The following KDM5A variants were observed in gnomAD, a reference collection of about 807,000 sequenced individuals.
KDM5A encodes lysine demethylase 5A.
Under a neutral mutation model 193.5 loss-of-function variants are expected in KDM5A, and 42 were observed. The ratio of observed to expected loss-of-function variants is 0.22; its 90% CI spans 0.17 to 0.28. The LOEUF is 0.28. KDM5A is among the 10% of genes least tolerant of loss of function. The pLI, the probability that KDM5A is intolerant of heterozygous loss-of-function variation, is 1.00. For synonymous variants in KDM5A, 796 were observed against 718.1 expected, an observed-to-expected ratio of 1.11 and a Z score of -1.73; for missense variants, 1,692 against 2,055.1, an observed-to-expected ratio of 0.82 and a Z score of 3.42.
At chr12:293,749 A>T (rs1008450558) in intron 26 of KDM5A, among the ~76,000 whole-genome samples, 1 of 128,372 alleles carries the variant, frequency 7.8e-6, no homozygotes, top group African/African-American at 3.0e-5. Flanking sequence ...ACTGCACTCC[A>T]GCCTGAGCAA....
intron 1 of KDM5A, among the ~76,000 whole-genome samples, chr12:388,699 C>A (rs1476396741): frequency 6.6e-6 from 1 of 152,166 alleles, no homozygotes; most frequent in South Asian, 2.1e-4. Flanking sequence ...AGTATCAGTT[C>A]CCAAGTTCTA....
intron 1 of KDM5A, among the ~76,000 whole-genome samples, chr12:387,911 T>G (rs1170507799): frequency 6.6e-6 from 1 of 152,156 alleles, no homozygotes; most frequent in Non-Finnish European, 1.5e-5. Context: ...GCTTAATATT[T>G]TATCATTACT....
chr12:358,787 T>C (rs1267797679), intron 5 of KDM5A, among the ~76,000 whole-genome samples: 3 of 151,582 alleles, frequency 2.0e-5, no homozygotes, highest in Non-Finnish European at 4.4e-5. Context: ...GCCTGGACAA[T>C]ATGGTGAAAC....
chr12:319,735 CAG>C (rs1188505867), intron 18 of KDM5A, among the ~76,000 whole-genome samples: 1 of 151,736 alleles, frequency 6.6e-6, no homozygotes, highest in East Asian at 1.9e-4. Context: ...GCCTGGATGA[CAG>C]AGCCAGACGC....
At chr12:323,324 C>T (rs1565533811) in intron 15 of KDM5A, 118 bp from the exon 16 acceptor site, 3 of 1,224,574 alleles carry the variant, frequency 2.4e-6, no homozygotes, top group African/African-American at 3.1e-5. Flanking sequence ...AATACAATGG[C>T]CAAGGGAATG....
At chr12:323,055 T>C in intron 16 of KDM5A, 27 bp downstream of exon 16, 1 of 1,612,804 alleles carries the variant, frequency 6.2e-7, no homozygotes, top group East Asian at 2.2e-5. Context: ...CAATTCAGTA[T>C]ATGCATACAA....
intron 24 of KDM5A, among the ~76,000 whole-genome samples, chr12:306,259 GCCA>G (rs1399691360): frequency 6.6e-6 from 1 of 151,866 alleles, no homozygotes; most frequent in East Asian, 1.9e-4. Context: ...ACAGGCATGA[GCCA>G]CCACACCAAG....
rs1943180018 is a variant in KDM5A at position 283,488 on chromosome 12, A to G, written c.*1968T>C. 1 of 233,004 alleles carries G rather than the reference A, an allele frequency of 4.3e-6. No homozygotes were observed. The highest frequency in any genetic ancestry group is 5.6e-5 in the Admixed American group (1 of 17,770). 14.4% of individuals were successfully genotyped at this position (233,004 alleles called of 1,614,324 possible). A position where few individuals can be genotyped will look rare whatever the true frequency, so the allele number is the denominator to read the frequency against. ...TATACAGTATTAAGAATGAATAAAA[A>G]GTAGGTAGTATGAACTTCAGAGAAA... is the stretch of plus-strand genomic sequence containing the variant. On this transcript the variant is annotated 3_prime_UTR_variant, in exon 28 of 28. Transcript: ENST00000399788.
At position 284,322 on chromosome 12, in the gene KDM5A, C is replaced by G; in HGVS notation, c.*1134G>C. Reference sequence around the variant, plus strand: ...CATTTAGAAAAAAGTAAAAACAAGTCCTTTTTTTTTTTTAAAAATGGATTT... The same window carrying G: ...CATTTAGAAAAAAGTAAAAACAAGTGCTTTTTTTTTTTTAAAAATGGATTT... On this transcript the variant is annotated 3_prime_UTR_variant, in exon 28 of 28. Coordinates refer to ENST00000399788, the MANE Select transcript of KDM5A (RefSeq NM_001042603.3). 8.7e-6 allele frequency: 2 copies of G among 230,328 alleles called. No individual in the cohort carries two copies. Among genetic ancestry groups the G allele is most frequent in the East Asian group, 1.2e-4 (2 of 16,172 alleles). The allele number at this position is 230,328 out of a possible 1,614,324, so 14.3% of individuals were successfully genotyped here.
rs192299960 is a variant in KDM5A, at chr12:290,124, G to C, written c.4866+2635C>G. ...GGATGGGCCACTGCAGCTGGCAAAG[G>C]CATTCTTTTCTTATTTTGCTCTAAA... On this transcript the variant is annotated intron_variant, in intron 27 of 27. Coordinates refer to ENST00000399788, the MANE Select transcript of KDM5A (RefSeq NM_001042603.3). Among the ~76,000 whole-genome samples, 299 of 151,938 alleles carry C rather than the reference G, an allele frequency of 2.0e-3. 3 individuals carry two copies. Among genetic ancestry groups the C allele is most frequent in the Non-Finnish European group, 1.5e-3 (101 of 67,958 alleles).
At chr12:324,241 A>T (rs1489677959) in intron 14 of KDM5A, among the ~76,000 whole-genome samples, 1 of 151,896 alleles carries the variant, frequency 6.6e-6, no homozygotes. Flanking sequence ...AGGCTGTAGT[A>T]AGCTATGATA....
intron 24 of KDM5A, among the ~76,000 whole-genome samples, chr12:299,815 G>A (rs1008523447): frequency 2.3e-4 from 35 of 151,822 alleles, no homozygotes; most frequent in African/African-American, 7.0e-4. Flanking sequence ...TCACAAAGAC[G>A]CACATAGGCT....
At chr12:293,391 C>T (rs1041707600) in intron 26 of KDM5A, among the ~76,000 whole-genome samples, 1 of 152,018 alleles carries the variant, frequency 6.6e-6, no homozygotes, top group Non-Finnish European at 1.5e-5. Context: ...GTGACAGTTG[C>T]GTAACACTGT....
intron 27 of KDM5A, among the ~76,000 whole-genome samples, chr12:289,277 A>T (rs965091981): frequency 1.1e-4 from 17 of 152,120 alleles, no homozygotes; most frequent in Non-Finnish European, 2.2e-4. Flanking sequence ...AGAATTTGAT[A>T]TTTTTTCTAG....
Position 307,178 on chromosome 12 carries a change from G to T in KDM5A, c.3931-89C>A. On this transcript the variant is annotated intron_variant, in intron 23 of 27. Transcript: ENST00000399788. The surrounding 1 kb of genome is among the most constrained non-coding windows in gnomAD (Gnocchi z 4.3). Reference sequence around the variant, plus strand: ...GTGCTTAAGATCACCAAAATGTAATGAATAAGCAAAGTGGCTAACAGAGTT... The same window carrying T: ...GTGCTTAAGATCACCAAAATGTAATTAATAAGCAAAGTGGCTAACAGAGTT... 1 of 1,480,668 alleles carries T rather than the reference G, an allele frequency of 6.8e-7. No individual in the cohort carries two copies. The highest frequency in any genetic ancestry group is 9.4e-7 in the Non-Finnish European group (1 of 1,065,144). 91.7% of individuals were successfully genotyped at this position (1,480,668 alleles called of 1,614,324 possible). A position where few individuals can be genotyped will look rare whatever the true frequency, so the allele number is the denominator to read the frequency against.
intron 22 of KDM5A, among the ~76,000 whole-genome samples, chr12:309,195 T>C (rs917843812): frequency 2.6e-5 from 4 of 152,194 alleles, no homozygotes; most frequent in African/African-American, 4.8e-5. Context: ...ACGTTCAGTG[T>C]AGTTTCATTA....
chr12:355,915 T>A (rs1399971655), intron 6 of KDM5A, among the ~76,000 whole-genome samples: 1 of 152,208 alleles, frequency 6.6e-6, no homozygotes, highest in African/African-American at 2.4e-5. Context: ...GAACTTGATC[T>A]TTGCATGAGC....
chr12:355,574 A>T (rs1455261778), intron 6 of KDM5A, among the ~76,000 whole-genome samples: 1 of 152,242 alleles, frequency 6.6e-6, no homozygotes, highest in Non-Finnish European at 1.5e-5. Flanking sequence ...CTCCCAAATT[A>T]GGGACTAATT....
At chr12:304,888 A>G (rs545891174) in intron 24 of KDM5A, among the ~76,000 whole-genome samples, 1 of 152,324 alleles carries the variant, frequency 6.6e-6, no homozygotes, top group South Asian at 2.1e-4. Flanking sequence ...AAAGGCCTCT[A>G]ACTAGGGTAA....
Sources: gnomAD v4.1 joint callset for allele counts (sites outside exome capture counted in the v4.1 genomes callset) on GRCh38, gnomAD v4.1.1 for gene constraint, Gnocchi (gnomAD v3.1) non-coding constraint, MANE v1.5 for transcripts, NCBI Gene and HGNC (gene_info 2026-07-23, HGNC 2026-07-21) for gene names.